FRMD6: variants seen among roughly 807,000 people sequenced by gnomAD.
FRMD6 encodes the protein FERM domain containing 6.
In FRMD6, 37 loss-of-function variants were observed where a neutral mutation model predicts 73.2. The ratio of observed to expected loss-of-function variants is 0.51; its 90% CI spans 0.39 to 0.66. The LOEUF (loss-of-function observed/expected upper bound fraction) is 0.66, where lower values mean the gene tolerates loss of function less well. Among genes scored for constraint, FRMD6 ranks in the 30% least tolerant of loss-of-function variants. The pLI is 0.00. For missense variants in FRMD6, 714 were observed against 780.5 expected (o/e 0.91, Z 1.02); for synonymous variants, 273 against 282.2 (o/e 0.97, Z 0.33).
chr14:51,473,181 T>C, the FRMD6 span, among the ~76,000 whole-genome samples: 3 of 152,218 alleles, frequency 2.0e-5, no homozygotes, highest in African/African-American at 7.2e-5. Context: ...TGGAGTTTTC[T>C]AGGGCTGTAC....
chr14:51,563,074 G>A (rs192461833), intron 1 of FRMD6, among the ~76,000 whole-genome samples: 200 of 152,310 alleles, frequency 1.3e-3, no homozygotes, highest in African/African-American at 4.6e-3. Context: ...GCTGCTGACC[G>A]ATGTGTAGCA....
chr14:51,419,849 T>A, the FRMD6 span, among the ~76,000 whole-genome samples: 5 of 152,114 alleles, frequency 3.3e-5, no homozygotes, highest in South Asian at 2.1e-4. Flanking sequence ...TTCCCTCATT[T>A]GGTATAGTCA....
chr14:51,653,958 A>T (rs1214594285), intron 1 of FRMD6, among the ~76,000 whole-genome samples: 1 of 152,168 alleles, frequency 6.6e-6, no homozygotes. Context: ...CTGTAATATG[A>T]ACTAATTTTC....
chr14:51,612,963 G>A (rs764841015), intron 2 of FRMD6, among the ~76,000 whole-genome samples: 21 of 152,296 alleles, frequency 1.4e-4, no homozygotes, highest in Non-Finnish European at 2.9e-4. Flanking sequence ...AAAGCAAAGG[G>A]GAGGAAAAGG....
chr14:51,522,585 A>T (rs1254229992), intron 1 of FRMD6, among the ~76,000 whole-genome samples: 2 of 152,212 alleles, frequency 1.3e-5, no homozygotes, highest in African/African-American at 2.4e-5. Context: ...GAAATGGAGC[A>T]TGAATTTAAA....
intron 2 of FRMD6, among the ~76,000 whole-genome samples, chr14:51,577,285 A>G (rs958150247): frequency 3.3e-5 from 5 of 152,122 alleles, no homozygotes; most frequent in Non-Finnish European, 7.4e-5. Context: ...AAAAAAAAGA[A>G]CAGCAAAAAT....
At chr14:51,546,967 T>A (rs182496620) in intron 1 of FRMD6, 1 of 152,044 alleles carries the variant, frequency 6.6e-6, no homozygotes, top group African/African-American at 2.4e-5. Context: ...TTTCAGCTAA[T>A]AGGAGAATAT....
rs1158794443 is a variant in FRMD6, at chr14:51,599,058, C to CTTTTCTTTTT, written c.-147+28652_-147+28653insCTTTTTTTTT. On this transcript the variant is annotated intron_variant, in intron 2 of 14. Coordinates refer to the FRMD6 transcript ENST00000356218. ...TCTCAGCAGCCTTGCCAGTATCTGT[C>CTTTTCTTTTT]TTTTTTTTTTTTTTTTTTTTTTTTT... is the stretch of plus-strand genomic sequence containing the variant. Among the ~76,000 whole-genome samples, 54 of 72,824 alleles carry CTTTTCTTTTT rather than the reference C, an allele frequency of 7.4e-4. 2 individuals carry two copies. Among genetic ancestry groups the CTTTTCTTTTT allele is most frequent in the African/African-American group, 2.2e-3 (40 of 18,188 alleles). 47.8% of individuals were successfully genotyped at this position (72,824 alleles called of 152,430 possible). A position where few individuals can be genotyped will look rare whatever the true frequency, so the allele number is the denominator to read the frequency against.
intron 1 of FRMD6, among the ~76,000 whole-genome samples, chr14:51,513,892 TCTG>T (rs1370787118): frequency 6.6e-6 from 1 of 152,232 alleles, no homozygotes; most frequent in African/African-American, 2.4e-5. Context: ...AGCTCCCATG[TCTG>T]GGAAGCTTAG....
the FRMD6 span, among the ~76,000 whole-genome samples, chr14:51,445,471 G>A: frequency 3.0e-5 from 1 of 33,074 alleles, no homozygotes; most frequent in South Asian, 1.3e-3. Flanking sequence ...AAACAGAAGT[G>A]CAATTTTTTT....
At chr14:51,431,288 GACT>G in the FRMD6 span, among the ~76,000 whole-genome samples, 1 of 152,192 alleles carries the variant, frequency 6.6e-6, no homozygotes, top group Non-Finnish European at 1.5e-5. Context: ...TTCTAAAATA[GACT>G]CCTTATTTCA....
intron 3 of FRMD6, among the ~76,000 whole-genome samples, chr14:51,699,522 A>G (rs910398008): frequency 6.6e-6 from 1 of 152,046 alleles, no homozygotes; most frequent in East Asian, 1.9e-4. Context: ...TAAAAAAGAG[A>G]TAGTAGTATG....
At chr14:51,616,130 A>G (rs775463319) in intron 2 of FRMD6, among the ~76,000 whole-genome samples, 6 of 152,216 alleles carry the variant, frequency 3.9e-5, no homozygotes, top group Non-Finnish European at 7.3e-5. Context: ...GGGTGGATGT[A>G]GAAAGGCGCA....
intron 1 of FRMD6, among the ~76,000 whole-genome samples, chr14:51,544,000 G>C (rs1023900357): frequency 6.6e-6 from 1 of 151,916 alleles, no homozygotes; most frequent in Non-Finnish European, 1.5e-5. Flanking sequence ...ATTGGGGAAA[G>C]TTTCAAACAT....
chr14:51,708,214 A>C lies in FRMD6; in HGVS notation c.695A>C (p.His232Pro). The part of the protein sequence containing the change: ...EAVRLDDVAV[H>P]YYRLYKDKRE... ...GTCCGACTGGATGACGTCGCTGTTC[A>C]TTACTACAGATTGTATAAGGTATGA... is the stretch of plus-strand genomic sequence containing the variant. Residue 232 changes from histidine (H) to proline (P), a missense_variant, in exon 7 of 14, where the codon CAT becomes CCT. His to Pro is a moderately conservative substitution (Grantham distance 77). Coordinates refer to ENST00000344768, the MANE Select transcript of FRMD6 (RefSeq NM_001267046.2). 1 of 1,613,038 alleles carries C rather than the reference A, an allele frequency of 6.2e-7. No individual in the cohort carries two copies. The highest frequency in any genetic ancestry group is 1.1e-5 in the South Asian group (1 of 91,036).
chr14:51,544,992 G>GTA (rs776589998), intron 1 of FRMD6, among the ~76,000 whole-genome samples: 1 of 152,102 alleles, frequency 6.6e-6, no homozygotes, highest in African/African-American at 2.4e-5. Context: ...GGAAAGGGTT[G>GTA]TATTAATAGT....
chr14:51,717,454 A>G (rs1897300279), intron 10 of FRMD6: 1 of 152,174 alleles, frequency 6.6e-6, no homozygotes, highest in Admixed American at 6.5e-5. Context: ...TGATCTAATC[A>G]TCTCTTTAAA....
At chr14:51,574,071 C>T (rs1888281741) in intron 2 of FRMD6, among the ~76,000 whole-genome samples, 1 of 152,180 alleles carries the variant, frequency 6.6e-6, no homozygotes, top group South Asian at 2.1e-4. Context: ...AGGGTGACTT[C>T]ATGCTTCCTT....
intron 1 of FRMD6, among the ~76,000 whole-genome samples, chr14:51,494,243 A>G (rs1883171472): frequency 6.6e-6 from 1 of 152,228 alleles, no homozygotes; most frequent in Non-Finnish European, 1.5e-5. Context: ...TCTCATCTAA[A>G]TAGCCTCTAA....
Sources: gnomAD v4.1 joint callset for allele counts (sites outside exome capture counted in the v4.1 genomes callset) on GRCh38, gnomAD v4.1.1 for gene constraint, MANE v1.5 for transcripts, NCBI Gene and HGNC (gene_info 2026-07-23, HGNC 2026-07-21) for gene names.